The following PRKG1 variants were observed in gnomAD, a reference collection of about 807,000 sequenced individuals.
The protein encoded by PRKG1 is protein kinase cGMP-dependent 1.
Under a neutral mutation model 88.1 loss-of-function variants are expected in PRKG1, and 35 were observed. The observed-to-expected ratio is 0.40, with a 90% CI of 0.30 to 0.53. The LOEUF (loss-of-function observed/expected upper bound fraction) is 0.53, where lower values mean the gene tolerates loss of function less well. PRKG1 is among the 20% of genes least tolerant of loss of function. The pLI is 0.59. For missense variants in PRKG1, 540 were observed against 839.8 expected (o/e 0.64, Z 4.41); for synonymous variants, 303 against 292.5 (o/e 1.04, Z -0.37).
intron 3 of PRKG1, among the ~76,000 whole-genome samples, chr10:51,569,155 C>T (rs891261333): frequency 7.9e-5 from 12 of 151,996 alleles, no homozygotes; most frequent in Non-Finnish European, 1.5e-4. Flanking sequence ...CAGGAGTAAA[C>T]CAAATACTTG....
At chr10:51,059,149 G>A (rs1214477069) in intron 1 of PRKG1, among the ~76,000 whole-genome samples, 1 of 151,968 alleles carries the variant, frequency 6.6e-6, no homozygotes, top group Non-Finnish European at 1.5e-5. Context: ...CAATAATTAT[G>A]CAATATTTTC....
At chr10:51,996,710 T>TG (rs1844452317) in intron 5 of PRKG1, among the ~76,000 whole-genome samples, 1 of 152,060 alleles carries the variant, frequency 6.6e-6, no homozygotes, top group Non-Finnish European at 1.5e-5. Flanking sequence ...ACATCCATTG[T>TG]GAAAAAAAGT....
intron 2 of PRKG1, among the ~76,000 whole-genome samples, chr10:51,290,772 T>C (rs902435464): frequency 3.3e-5 from 5 of 152,162 alleles, no homozygotes; most frequent in African/African-American, 1.2e-4. Flanking sequence ...CTGTGGACTT[T>C]CTGATCTTTT....
intron 3 of PRKG1, among the ~76,000 whole-genome samples, chr10:51,768,700 T>C (rs1838231090): frequency 6.6e-6 from 1 of 152,106 alleles, no homozygotes; most frequent in Non-Finnish European, 1.5e-5. Flanking sequence ...ATTTAAAAGA[T>C]GAAAAAGGAA....
rs550931310 is a variant in PRKG1, at chr10:51,536,082, G to A, written c.592+68246G>A. On this transcript the variant is annotated intron_variant, in intron 3 of 17. Transcript: ENST00000373980. ...AGAAAGAGATTGAAACTGTATTTCC[G>A]ATTTGTCCAGGTCATAGGGGGTATG... 1.3e-4 allele frequency among the ~76,000 whole-genome samples: 20 copies of A among 152,142 alleles called. No homozygotes were observed. In the South Asian group the frequency reaches 2.5e-3, roughly 19 times the overall value.
intron 4 of PRKG1, among the ~76,000 whole-genome samples, chr10:51,893,736 A>G (rs2132913372): frequency 6.6e-6 from 1 of 152,312 alleles, no homozygotes; most frequent in South Asian, 2.1e-4. Flanking sequence ...ATTAATAATA[A>G]CAACAACACC....
At chr10:51,796,118 A>C (rs1449188647) in intron 3 of PRKG1, among the ~76,000 whole-genome samples, 2 of 152,106 alleles carry the variant, frequency 1.3e-5, no homozygotes, top group African/African-American at 4.8e-5. Context: ...TGACACACAA[A>C]ATTCAATTCA....
chr10:52,050,042 A>T lies in PRKG1; in HGVS notation c.763-4442A>T, dbSNP rs189735370. Among the ~76,000 whole-genome samples the T allele has an allele frequency of 1.3e-3, 189 of 144,932 alleles. 1 individual carries two copies. Among genetic ancestry groups the T allele is most frequent in the Middle Eastern group, 7.0e-3 (2 of 286 alleles). On this transcript the variant is annotated intron_variant, in intron 5 of 17. Transcript: ENST00000373980. The stretch of plus-strand genomic sequence containing the variant: ...TTTAGCCAGAATGTGTGTGTGTGAG[A>T]GAGAGAGAGTGTGTTCATGTGTGTG...
At chr10:52,107,518 G>A (rs917085560) in intron 7 of PRKG1, among the ~76,000 whole-genome samples, 2 of 152,156 alleles carry the variant, frequency 1.3e-5, no homozygotes, top group African/African-American at 4.8e-5. Context: ...CCTCCACAAT[G>A]TCTCAAAATA....
chr10:52,046,077 A>G (rs1845855873), intron 5 of PRKG1, among the ~76,000 whole-genome samples: 1 of 152,146 alleles, frequency 6.6e-6, no homozygotes. Context: ...AATTTTGAAT[A>G]CAAAGTAAGG....
chr10:51,574,847 A>G (rs1252025637), intron 3 of PRKG1, among the ~76,000 whole-genome samples: 1 of 151,960 alleles, frequency 6.6e-6, no homozygotes, highest in African/African-American at 2.4e-5. Context: ...TAGGTTGAGA[A>G]TTAAAGTGCC....
Position 52,213,993 on chromosome 10 carries a change from TTTC to T in PRKG1, c.1077-37576_1077-37574del, listed in dbSNP as rs776796858. Among the ~76,000 whole-genome samples the T allele has an allele frequency of 1.7e-3, 259 of 152,304 alleles. 1 individual carries two copies. The highest frequency in any genetic ancestry group is 5.7e-3 in the African/African-American group (239 of 41,574). ...CTTTTTAGAAAATAAAATGTATATG[TTTC>T]AAAATTTGATGAGCATTTACGATGT... On this transcript the variant is annotated intron_variant, in intron 9 of 17. Transcript: ENST00000373980.
chr10:51,430,471 A>G (rs563056501), intron 2 of PRKG1, among the ~76,000 whole-genome samples: 2 of 152,264 alleles, frequency 1.3e-5, no homozygotes, highest in South Asian at 2.1e-4. Context: ...ATTGTTAGAG[A>G]CAGTGGGTGA....
chr10:51,760,979 G>C (rs1937700), intron 3 of PRKG1, among the ~76,000 whole-genome samples: 53,692 of 151,852 alleles, frequency 0.35, 10,483 homozygotes, highest in Middle Eastern at 0.52. Context: ...GCCCAGTCTG[G>C]TGTGCATGCC....
chr10:51,103,524 C>T (rs1168400977), intron 1 of PRKG1, among the ~76,000 whole-genome samples: 1 of 152,098 alleles, frequency 6.6e-6, no homozygotes, highest in Non-Finnish European at 1.5e-5. Flanking sequence ...GATGATAGAC[C>T]GAAGACATTT....
At chr10:51,884,517 G>T (rs1841522065) in intron 4 of PRKG1, among the ~76,000 whole-genome samples, 1 of 140,970 alleles carries the variant, frequency 7.1e-6, no homozygotes, top group Admixed American at 7.0e-5. Flanking sequence ...TGCCACAGAG[G>T]TTGTTTTGTG....
chr10:51,426,878 C>A (rs1388683670), intron 2 of PRKG1, among the ~76,000 whole-genome samples: 1 of 152,138 alleles, frequency 6.6e-6, no homozygotes, highest in East Asian at 1.9e-4. Flanking sequence ...AGAGGGCAAG[C>A]AGGTGGTCTG....
At chr10:51,220,564 A>G (rs1838502308) in intron 2 of PRKG1, among the ~76,000 whole-genome samples, 1 of 152,226 alleles carries the variant, frequency 6.6e-6, no homozygotes, top group Admixed American at 6.5e-5. Flanking sequence ...AGTATTAGTG[A>G]CAGCAATTAC....
intron 3 of PRKG1, among the ~76,000 whole-genome samples, chr10:51,581,177 T>C (rs1286967306): frequency 1.3e-5 from 2 of 152,202 alleles, no homozygotes; most frequent in East Asian, 3.9e-4. Flanking sequence ...AACATCTGTA[T>C]GCAGAAGTAC....
Sources: allele counts gnomAD v4.1 joint callset (sites outside exome capture counted in the v4.1 genomes callset), GRCh38; gene constraint gnomAD v4.1.1; transcripts MANE v1.5; gene names NCBI Gene and HGNC (gene_info 2026-07-23, HGNC 2026-07-21).